The following HECW1 variants were observed in gnomAD, a reference collection of about 807,000 sequenced individuals.
The protein encoded by HECW1 is E3 ubiquitin-protein ligase HECW1.
HECW1 carries 61 observed loss-of-function variants against 182.3 expected under a neutral mutation model. That is an observed-to-expected ratio of 0.33 (90% CI 0.27 to 0.41). The LOEUF (loss-of-function observed/expected upper bound fraction) is 0.41. Among genes scored for constraint, HECW1 ranks in the 10% least tolerant of loss-of-function variants. The pLI is 1.00. For synonymous variants in HECW1, 859 were observed against 832.6 expected, an observed-to-expected ratio of 1.03 and a Z score of -0.55; for missense variants, 1,739 against 2,108.9, an observed-to-expected ratio of 0.82 and a Z score of 3.44.
intron 7 of HECW1, among the ~76,000 whole-genome samples, chr7:43,401,373 G>A (rs1366085388): frequency 3.3e-5 from 5 of 152,022 alleles, no homozygotes; most frequent in African/African-American, 1.2e-4. Flanking sequence ...AAGATGAATG[G>A]CACATACAGA....
chr7:43,114,773 G>A lies in HECW1; in HGVS notation c.-32+382G>A, dbSNP rs567123366. ...TTTTTCATGAAGGCAAATTGCCTAA[G>A]TTTGTTTAGATTGTGACATTATTGA... On this transcript the variant is annotated intron_variant, in intron 2 of 29. Coordinates refer to ENST00000395891, the MANE Select transcript of HECW1 (RefSeq NM_015052.5). 4.6e-5 allele frequency among the ~76,000 whole-genome samples: 7 copies of A among 152,156 alleles called. No individual in the cohort carries two copies. In the South Asian group the frequency reaches 1.2e-3, roughly 27 times the overall value.
chr7:43,271,399 A>G (rs1425513627), intron 3 of HECW1, among the ~76,000 whole-genome samples: 2 of 152,220 alleles, frequency 1.3e-5, no homozygotes, highest in African/African-American at 2.4e-5. Context: ...GCATCCAAAC[A>G]GGAAAAGAAG....
intron 3 of HECW1, among the ~76,000 whole-genome samples, chr7:43,267,148 C>G (rs1410704635): frequency 6.6e-6 from 1 of 152,100 alleles, no homozygotes; most frequent in Admixed American, 6.5e-5. Context: ...AAAACTTGTA[C>G]TGACCATTTT....
intron 4 of HECW1, among the ~76,000 whole-genome samples, chr7:43,313,871 G>A (rs1021488182): frequency 2.0e-5 from 3 of 152,064 alleles, no homozygotes; most frequent in East Asian, 1.9e-4. Flanking sequence ...CCACCCATTC[G>A]GACCTTCATC....
Position 43,432,492 on chromosome 7 carries a change from T to C in HECW1, c.802-5511T>C, listed in dbSNP as rs978612903. ...AAGCATTATGTTCTCTAGGAAATCG[T>C]CTCTACCTGTCCATCAGGCTGAGCC... On this transcript the variant is annotated intron_variant, in intron 8 of 29. Transcript: ENST00000395891. The surrounding 1 kb of genome is among the most constrained non-coding windows in gnomAD (Gnocchi z 4.1). Among the ~76,000 whole-genome samples the C allele has an allele frequency of 6.6e-6, 1 of 152,190 alleles. No individual in the cohort carries two copies. The highest frequency in any genetic ancestry group is 2.4e-5 in the African/African-American group (1 of 41,442).
At chr7:43,409,406 T>C (rs761346039) in intron 8 of HECW1, among the ~76,000 whole-genome samples, 2 of 152,242 alleles carry the variant, frequency 1.3e-5, no homozygotes, top group Admixed American at 6.5e-5. Context: ...GAAAGGCTTC[T>C]CTCTTCTGAA....
Position 43,514,304 on chromosome 7 carries a change from T to TC in HECW1, c.4019+5183_4019+5184insC, listed in dbSNP as rs531866057. ...AATTTCTTTTTTCTTTTCTTTTCTT[T>TC]TTTTTTTTTTTGAGATGGAATTTCG... is the stretch of plus-strand genomic sequence containing the variant. On this transcript the variant is annotated intron_variant, in intron 24 of 29. Coordinates refer to ENST00000395891, the MANE Select transcript of HECW1 (RefSeq NM_015052.5). Among the ~76,000 whole-genome samples the TC allele has an allele frequency of 1.5e-4, 23 of 151,024 alleles. 1 individual carries two copies. The South Asian group carries it at 3.6e-3, about 23-fold the overall frequency.
chr7:43,449,944 A>T (rs1358892145), intron 11 of HECW1, among the ~76,000 whole-genome samples: 1 of 152,250 alleles, frequency 6.6e-6, no homozygotes, highest in Admixed American at 6.5e-5. Flanking sequence ...AACATCGTTC[A>T]GTTCATTATA....
intron 2 of HECW1, among the ~76,000 whole-genome samples, chr7:43,146,671 A>C (rs1788748258): frequency 6.6e-6 from 1 of 152,192 alleles, no homozygotes; most frequent in Non-Finnish European, 1.5e-5. Context: ...TCATGTCTTT[A>C]AAGAGAGAAG....
intron 2 of HECW1, among the ~76,000 whole-genome samples, chr7:43,214,546 C>T (rs559056791): frequency 1.1e-4 from 16 of 152,274 alleles, no homozygotes; most frequent in Non-Finnish European, 1.9e-4. Flanking sequence ...GCTACTTTCC[C>T]CTGCCCCTGT....
chr7:43,555,128 G>T (rs2081976268), intron 29 of HECW1, among the ~76,000 whole-genome samples: 1 of 152,188 alleles, frequency 6.6e-6, no homozygotes, highest in Admixed American at 6.5e-5. Context: ...AAAAATGCTG[G>T]AACCTGGAAG....
chr7:43,168,121 G>A (rs933049981), intron 2 of HECW1, among the ~76,000 whole-genome samples: 22 of 152,168 alleles, frequency 1.4e-4, no homozygotes, highest in African/African-American at 2.7e-4. Flanking sequence ...TGTACGTGTC[G>A]TGAGGAGAGG....
intron 6 of HECW1, among the ~76,000 whole-genome samples, chr7:43,390,700 A>G (rs1271689100): frequency 6.6e-6 from 1 of 152,190 alleles, no homozygotes; most frequent in African/African-American, 2.4e-5. Flanking sequence ...TCTTGTTTTA[A>G]GTCTTTCAGA....
intron 7 of HECW1, among the ~76,000 whole-genome samples, chr7:43,400,439 C>T (rs767566098): frequency 5.3e-5 from 8 of 152,034 alleles, no homozygotes; most frequent in Non-Finnish European, 1.0e-4. Context: ...ATGACATGCT[C>T]GTAGGTAAAC....
intron 2 of HECW1, among the ~76,000 whole-genome samples, chr7:43,171,495 G>A (rs1166061886): frequency 6.6e-6 from 1 of 152,196 alleles, no homozygotes; most frequent in South Asian, 2.1e-4. Flanking sequence ...AAGGAAAGAC[G>A]ACCCTCAGGG....
At chr7:43,176,577 A>C (rs1340439622) in intron 2 of HECW1, among the ~76,000 whole-genome samples, 1 of 152,212 alleles carries the variant, frequency 6.6e-6, no homozygotes, top group Non-Finnish European at 1.5e-5. Flanking sequence ...GGCTCACAAT[A>C]GATGGTCAAA....
chr7:43,549,575 A>T (rs770163551), intron 26 of HECW1, among the ~76,000 whole-genome samples: 1 of 152,216 alleles, frequency 6.6e-6, no homozygotes, highest in Non-Finnish European at 1.5e-5. Flanking sequence ...CTAGCATGTT[A>T]TCTACCTCCT....
chr7:43,392,634 C>T (rs1321716512), intron 6 of HECW1, among the ~76,000 whole-genome samples: 2 of 152,190 alleles, frequency 1.3e-5, no homozygotes, highest in African/African-American at 2.4e-5. Context: ...GTATGAGAAG[C>T]CCTGATGTCT....
intron 3 of HECW1, among the ~76,000 whole-genome samples, chr7:43,259,382 A>G (rs1033640177): frequency 2.3e-5 from 3 of 129,172 alleles, no homozygotes; most frequent in Non-Finnish European, 4.8e-5. Flanking sequence ...GTGAGACTCC[A>G]TGTCCAAAAA....
Sources: gnomAD v4.1 joint callset for allele counts (sites outside exome capture counted in the v4.1 genomes callset) on GRCh38, gnomAD v4.1.1 for gene constraint, Gnocchi (gnomAD v3.1) non-coding constraint, MANE v1.5 for transcripts, NCBI Gene and HGNC (gene_info 2026-07-23, HGNC 2026-07-21) for gene names.